Variants in PKHD1 observed in about 807,000 individuals in gnomAD.
The protein encoded by PKHD1 is PKHD1 ciliary IPT domain containing fibrocystin/polyductin.
A neutral mutation model predicts 412.0 loss-of-function variants in PKHD1; 291 were observed. The ratio of observed to expected loss-of-function variants is 0.71; its 90% CI spans 0.64 to 0.78. The LOEUF (loss-of-function observed/expected upper bound fraction) is 0.78, where lower values mean the gene tolerates loss of function less well. Among genes scored for constraint, PKHD1 ranks in the 30% least tolerant of loss-of-function variants. The pLI is 0.00. For missense variants in PKHD1, 4,825 were observed against 4,950.7 expected, an observed-to-expected ratio of 0.97 and a Z score of 0.76; for synonymous variants, 1,777 against 1,821.5, an observed-to-expected ratio of 0.98 and a Z score of 0.62.
chr6:51,758,884 T>C (rs917929061), intron 55 of PKHD1, among the ~76,000 whole-genome samples: 5 of 152,300 alleles, frequency 3.3e-5, no homozygotes, highest in African/African-American at 1.2e-4. Flanking sequence ...TACAAAAATG[T>C]GTAAGACATT....
intron 9 of PKHD1, among the ~76,000 whole-genome samples, 194 bp downstream of exon 9, chr6:52,070,812 C>T (rs565043103): frequency 3.0e-4 from 45 of 152,252 alleles, no homozygotes; most frequent in Admixed American, 6.5e-4. Flanking sequence ...ACCAACTTCA[C>T]AGGTGTATGT....
intron 50 of PKHD1, among the ~76,000 whole-genome samples, chr6:51,839,439 T>G (rs1443426162): frequency 6.6e-6 from 1 of 152,198 alleles, no homozygotes; most frequent in Non-Finnish European, 1.5e-5. Flanking sequence ...TATTGCCAAC[T>G]TTTTCTGACG....
intron 55 of PKHD1, among the ~76,000 whole-genome samples, chr6:51,765,227 T>A (rs1016081710): frequency 1.3e-5 from 2 of 152,022 alleles, no homozygotes; most frequent in Non-Finnish European, 2.9e-5. Flanking sequence ...CTCCACTGCC[T>A]CTTCCAGAGT....
chr6:51,815,719 C>T (rs998415441), intron 52 of PKHD1, among the ~76,000 whole-genome samples: 1 of 152,206 alleles, frequency 6.6e-6, no homozygotes, highest in Admixed American at 6.5e-5. Flanking sequence ...CATGCAACAT[C>T]GATATCCAAG....
At chr6:51,828,410 T>G (rs1007519211) in intron 52 of PKHD1, among the ~76,000 whole-genome samples, 2 of 152,116 alleles carry the variant, frequency 1.3e-5, no homozygotes, top group African/African-American at 4.8e-5. Context: ...ATACTTAGTA[T>G]GGTGCATGTC....
chr6:51,775,727 A>G (rs1309480847), intron 54 of PKHD1, 81 bp downstream of exon 54: 2 of 756,038 alleles, frequency 2.6e-6, no homozygotes, highest in African/African-American at 1.7e-5. Flanking sequence ...TGTTCTATGA[A>G]TAGTATTTCT....
intron 14 of PKHD1, among the ~76,000 whole-genome samples, chr6:52,061,491 A>G (rs1024237143): frequency 5.3e-5 from 8 of 152,242 alleles, no homozygotes; most frequent in Middle Eastern, 3.4e-3. Flanking sequence ...TTAAAACCAT[A>G]AACTCATGGT....
chr6:51,805,810 G>T (rs1399073285), intron 52 of PKHD1, among the ~76,000 whole-genome samples: 1 of 152,114 alleles, frequency 6.6e-6, no homozygotes, highest in Admixed American at 6.5e-5. Context: ...AGCAGGAGAA[G>T]AATAATTAAG....
chr6:51,624,847 G>A (rs1258669707), intron 66 of PKHD1, among the ~76,000 whole-genome samples: 1 of 152,158 alleles, frequency 6.6e-6, no homozygotes, highest in Non-Finnish European at 1.5e-5. Context: ...CTGTCAACAG[G>A]GAGTCAGATT....
At position 51,963,577 on chromosome 6, in the gene PKHD1, G is replaced by A. The variant is rs531308490; in HGVS notation, c.5752-3551C>T. Among the ~76,000 whole-genome samples, 16 of 152,172 alleles carry A rather than the reference G, an allele frequency of 1.1e-4. No individual in the cohort carries two copies. The South Asian group carries it at 1.9e-3, about 18-fold the overall frequency. ...CAGTGTAATCCATGATTACATGCACGTTGCCATAAGAATTTTAGCTCTCCT... is the reference window on the plus strand; with the variant it reads ...CAGTGTAATCCATGATTACATGCACATTGCCATAAGAATTTTAGCTCTCCT... On this transcript the variant is annotated intron_variant, in intron 35 of 66. Coordinates refer to ENST00000371117, the MANE Select transcript of PKHD1 (RefSeq NM_138694.4).
chr6:52,070,503 G>A (rs1810444595), intron 9 of PKHD1, 58 bp from the exon 10 acceptor site: 3 of 1,336,604 alleles, frequency 2.2e-6, no homozygotes, highest in Middle Eastern at 1.8e-4. Context: ...TCTGGGCCAG[G>A]CCATTGCTTT....
chr6:51,996,731 C>T (rs957959073), intron 35 of PKHD1, among the ~76,000 whole-genome samples: 2 of 152,196 alleles, frequency 1.3e-5, no homozygotes, highest in Non-Finnish European at 2.9e-5. Context: ...AAATCTCATG[C>T]AACAGCAAGG....
In PKHD1 at chr6:51,975,626, T is replaced by TTA. The variant is rs1794278308; in HGVS notation, c.5752-15601_5752-15600insTA. 2.3e-5 allele frequency: 3 copies of TTA among 128,484 alleles called. No individual in the cohort carries two copies. The South Asian group carries it at 7.6e-4, about 32-fold the overall frequency. 8.0% of individuals were successfully genotyped at this position (128,484 alleles called of 1,614,324 possible). ...CATCCATTAGGACAGCTATCAGCCA[T>TTA]AAAAAAAAAAAAAAACAAAAAGAAA... On this transcript the variant is annotated intron_variant, in intron 35 of 66. Coordinates refer to ENST00000371117, the MANE Select transcript of PKHD1 (RefSeq NM_138694.4).
intron 39 of PKHD1, among the ~76,000 whole-genome samples, chr6:51,909,894 G>T (rs900789413): frequency 4.6e-4 from 70 of 152,084 alleles, no homozygotes; most frequent in African/African-American, 1.7e-3. Flanking sequence ...ATCTTAAGCT[G>T]TCCAATGAGG....
At chr6:51,970,590 C>T (rs1268652) in intron 35 of PKHD1, among the ~76,000 whole-genome samples, 6,258 of 152,216 alleles carry the variant, frequency 0.041, 443 homozygotes, top group African/African-American at 0.14. Context: ...TCGGGTGTTA[C>T]ATTTAAGTCT....
intron 27 of PKHD1, among the ~76,000 whole-genome samples, chr6:52,036,055 T>G (rs1032446071): frequency 6.6e-6 from 1 of 152,158 alleles, no homozygotes; most frequent in Non-Finnish European, 1.5e-5. Flanking sequence ...TGCAATCCTA[T>G]AAAACATATT....
Position 51,659,922 on chromosome 6 carries a change from C to T in PKHD1, c.10204G>A (p.Gly3402Arg). 6.2e-7 allele frequency: 1 copy of T among 1,612,472 alleles called. No homozygotes were observed. Among genetic ancestry groups the T allele is most frequent in the Non-Finnish European group, 8.5e-7 (1 of 1,178,784 alleles). ...QKCTYQFLMQGFICKQTDQVV... is the reference protein window; with the variant it reads ...QKCTYQFLMQRFICKQTDQVV... Reference sequence around the variant, plus strand: ...TGGTCAGTCTGTTTGCAGATGAATCCTTGCATCAGAAATTGGTATGTACAT... The same window carrying T: ...TGGTCAGTCTGTTTGCAGATGAATCTTTGCATCAGAAATTGGTATGTACAT... Residue 3402 changes from glycine (G) to arginine (R), a missense_variant, in exon 61 of 67, where the codon GGA becomes AGA. Coordinates refer to ENST00000371117, the MANE Select transcript of PKHD1 (RefSeq NM_138694.4).
chr6:51,951,118 A>C (rs931983396), intron 36 of PKHD1, among the ~76,000 whole-genome samples: 1 of 152,198 alleles, frequency 6.6e-6, no homozygotes, highest in Non-Finnish European at 1.5e-5. Flanking sequence ...TCAAACACTA[A>C]GATATAAGTA....
chr6:51,951,537 C>G (rs1790366317), intron 36 of PKHD1, among the ~76,000 whole-genome samples: 1 of 152,072 alleles, frequency 6.6e-6, no homozygotes, highest in Non-Finnish European at 1.5e-5. Context: ...TAATTATTCT[C>G]TGAATATTAT....
Sources: allele counts gnomAD v4.1 joint callset (sites outside exome capture counted in the v4.1 genomes callset), GRCh38; gene constraint gnomAD v4.1.1; transcripts MANE v1.5; gene names NCBI Gene and HGNC (gene_info 2026-07-23, HGNC 2026-07-21).